The following LAMA2 variants were observed in gnomAD, a reference collection of about 807,000 sequenced individuals.
LAMA2 encodes laminin subunit alpha-2.
Under a neutral mutation model 364.8 loss-of-function variants are expected in LAMA2, and 269 were observed. The observed-to-expected ratio is 0.74, with a 90% CI of 0.67 to 0.82. LAMA2 has a LOEUF of 0.82. Among genes scored for constraint, LAMA2 ranks in the 40% least tolerant of loss-of-function variants. LAMA2 has a pLI of 0.00. For synonymous variants in LAMA2, 1,379 were observed against 1,370.6 expected, an observed-to-expected ratio of 1.01 and a Z score of -0.14; for missense variants, 3,807 against 3,873.2, an observed-to-expected ratio of 0.98 and a Z score of 0.45.
intron 19 of LAMA2, 79 bp from the exon 20 acceptor site, chr6:129,291,535 T>G: frequency 2.1e-6 from 2 of 959,408 alleles, no homozygotes; most frequent in Non-Finnish European, 3.3e-6. Context: ...TGTTACCATG[T>G]GGGGTATATT....
chr6:129,216,140 A>T (rs910946815), intron 12 of LAMA2, among the ~76,000 whole-genome samples: 4 of 152,198 alleles, frequency 2.6e-5, no homozygotes, highest in African/African-American at 9.6e-5. Flanking sequence ...ACTAGGACAT[A>T]CAATCTCTGA....
intron 1 of LAMA2, among the ~76,000 whole-genome samples, chr6:128,903,767 T>C (rs1280471888): frequency 1.3e-5 from 2 of 152,210 alleles, no homozygotes; most frequent in African/African-American, 4.8e-5. Context: ...TTGGCAAATA[T>C]AGGATCTTTC....
chr6:129,052,360 G>C (rs1049902226), intron 2 of LAMA2, among the ~76,000 whole-genome samples: 8 of 149,646 alleles, frequency 5.3e-5, no homozygotes, highest in African/African-American at 2.0e-4. Context: ...GTGTTAGCTA[G>C]CACGGTCTCA....
intron 3 of LAMA2, among the ~76,000 whole-genome samples, chr6:129,096,576 A>G (rs564095145): frequency 5.5e-4 from 83 of 152,276 alleles, no homozygotes; most frequent in Non-Finnish European, 1.1e-3. Context: ...ACCTGCAGTG[A>G]TACTCAATAA....
intron 3 of LAMA2, among the ~76,000 whole-genome samples, chr6:129,078,790 A>G (rs1479264017): frequency 1.3e-5 from 2 of 152,102 alleles, no homozygotes; most frequent in East Asian, 1.9e-4. Context: ...TTAAATAATA[A>G]CTCCCCATTC....
intron 40 of LAMA2, among the ~76,000 whole-genome samples, chr6:129,406,034 C>G (rs1780232043): frequency 1.3e-5 from 2 of 151,798 alleles, no homozygotes; most frequent in Admixed American, 6.6e-5. Flanking sequence ...GTAGAGCAAC[C>G]AACGACCACT....
chr6:129,326,463 C>T (rs1453861233), intron 28 of LAMA2, among the ~76,000 whole-genome samples: 1 of 151,952 alleles, frequency 6.6e-6, no homozygotes, highest in Non-Finnish European at 1.5e-5. Context: ...TACAATTCCT[C>T]GATGAGGAGT....
At chr6:129,030,745 GT>G (rs888799599) in intron 1 of LAMA2, among the ~76,000 whole-genome samples, 5 of 151,760 alleles carry the variant, frequency 3.3e-5, no homozygotes, top group Admixed American at 2.6e-4. Context: ...CCATGAAGAA[GT>G]TTTTTTTCGT....
At chr6:129,128,535 AC>A (rs1434324050) in intron 4 of LAMA2, among the ~76,000 whole-genome samples, 1 of 152,226 alleles carries the variant, frequency 6.6e-6, no homozygotes, top group African/African-American at 2.4e-5. Context: ...CTGAAAAATG[AC>A]ATCAAAATCT....
intron 62 of LAMA2, among the ~76,000 whole-genome samples, chr6:129,511,201 T>C (rs1786541616): frequency 6.6e-6 from 1 of 152,140 alleles, no homozygotes; most frequent in South Asian, 2.1e-4. Context: ...AAACATACAA[T>C]TCATCTTAAC....
At chr6:129,447,399 A>G (rs1194146695) in intron 45 of LAMA2, among the ~76,000 whole-genome samples, 1 of 152,166 alleles carries the variant, frequency 6.6e-6, no homozygotes, top group Non-Finnish European at 1.5e-5. Context: ...TAACAGGGAG[A>G]GTATTCTGAG....
chr6:129,265,692 A>T (rs1027195777), intron 15 of LAMA2, among the ~76,000 whole-genome samples: 4 of 151,118 alleles, frequency 2.6e-5, no homozygotes, highest in East Asian at 2.0e-4. Flanking sequence ...AGGGAGGGGA[A>T]CATTATACAC....
chr6:129,309,924 GA>G (rs1204911218), intron 22 of LAMA2, among the ~76,000 whole-genome samples: 1 of 106,910 alleles, frequency 9.4e-6, no homozygotes, highest in East Asian at 5.4e-4. Flanking sequence ...TTTTGAGACG[GA>G]GTCTCGCTCT....
intron 40 of LAMA2, among the ~76,000 whole-genome samples, chr6:129,426,659 A>G (rs1781341814): frequency 6.6e-6 from 1 of 152,142 alleles, no homozygotes. Flanking sequence ...TGTTTCCAAT[A>G]TATCTTTTTG....
In LAMA2 at chr6:129,194,210, TA is replaced by T. The variant is rs535555128; in HGVS notation, c.1782+1367del. The stretch of plus-strand genomic sequence containing the variant: ...AAAATATAAAAATATACTGTCAATT[TA>T]AAAAAAAAACAACTGAGAGCTCCAA... On this transcript the variant is annotated intron_variant, in intron 12 of 64. Transcript: ENST00000421865. 3.1e-3 allele frequency among the ~76,000 whole-genome samples: 453 copies of T among 148,354 alleles called. 2 individuals carry two copies. The highest frequency in any genetic ancestry group is 5.0e-3 in the Admixed American group (75 of 14,860).
intron 1 of LAMA2, among the ~76,000 whole-genome samples, chr6:128,980,747 T>C (rs1782814962): frequency 6.6e-6 from 1 of 152,206 alleles, no homozygotes; most frequent in African/African-American, 2.4e-5. Flanking sequence ...GAACTGCATG[T>C]CCATTTTAGA....
chr6:129,149,180 G>C (rs1363929956), intron 7 of LAMA2, 84 bp downstream of exon 7: 19 of 851,288 alleles, frequency 2.2e-5, no homozygotes, highest in Non-Finnish European at 3.5e-5. Flanking sequence ...GAAATGGCTG[G>C]TTATGCAAAT....
rs35277491 is a variant in LAMA2, at chr6:129,291,620, G to T, written c.2756G>T (p.Arg919Leu). The T allele has an allele frequency of 8.5e-3, 13,736 of 1,613,110 alleles. 749 individuals carry two copies. The African/African-American group carries it at 0.14, about 16-fold the overall frequency. Residue 919 changes from arginine to leucine, a missense_variant, in exon 20 of 65, where the codon CGC (arginine) becomes CTC (leucine). By Grantham distance (102) the Arg-to-Leu change is moderately radical. Transcript: ENST00000421865. ...GTCTCTCTTCTCTTTGCAGCCTGTCGCTGTAATGCCGGTGGCTCTTTCTCT... is the reference window on the plus strand; with the variant it reads ...GTCTCTCTTCTCTTTGCAGCCTGTCTCTGTAATGCCGGTGGCTCTTTCTCT... ...AVDAKNCQPC[R>L]CNAGGSFSEV...
chr6:129,239,753 C>T (rs923789691), intron 12 of LAMA2, among the ~76,000 whole-genome samples: 1 of 152,108 alleles, frequency 6.6e-6, no homozygotes, highest in Non-Finnish European at 1.5e-5. Flanking sequence ...TGGGCTCAAG[C>T]AATCCTCCTG....
Sources: gnomAD v4.1 joint callset for allele counts (sites outside exome capture counted in the v4.1 genomes callset) on GRCh38, gnomAD v4.1.1 for gene constraint, MANE v1.5 for transcripts, NCBI Gene and HGNC (gene_info 2026-07-23, HGNC 2026-07-21) for gene names.